EXPH5: variants seen among roughly 807,000 people sequenced by gnomAD.
The protein encoded by EXPH5 is exophilin 5, also known as exophilin-5.
A neutral mutation model predicts 41.1 loss-of-function variants in EXPH5; 42 were observed. The observed-to-expected ratio is 1.02, with a 90% CI of 0.80 to 1.32. EXPH5 has a LOEUF of 1.32. EXPH5 is among the 40% of genes most tolerant of loss of function. The probability of loss-of-function intolerance (pLI) is 0.00; values close to 1 mark genes in which losing one functional copy is unlikely to be tolerated. For missense variants in EXPH5, 2,298 were observed against 2,314.5 expected (o/e 0.99, Z 0.15); for synonymous variants, 798 against 833.5 (o/e 0.96, Z 0.73).
intron 1 of EXPH5, among the ~76,000 whole-genome samples, chr11:108,564,478 T>A (rs1367050471): frequency 6.6e-6 from 1 of 152,196 alleles, no homozygotes; most frequent in Non-Finnish European, 1.5e-5. Flanking sequence ...CTATGCTATG[T>A]CAGTATTCCA....
intron 1 of EXPH5, among the ~76,000 whole-genome samples, chr11:108,577,346 T>G (rs2094083154): frequency 6.6e-6 from 1 of 152,216 alleles, no homozygotes; most frequent in African/African-American, 2.4e-5. Flanking sequence ...CTGTACTAAT[T>G]TACATTCTCA....
At chr11:108,568,174 T>C (rs910911791) in intron 1 of EXPH5, 1 of 90,904 alleles carries the variant, frequency 1.1e-5, no homozygotes, top group Non-Finnish European at 2.0e-5. Flanking sequence ...CTTACTTTTT[T>C]TGGGAGGGGG....
chr11:108,513,332 T>C lies in EXPH5; in HGVS notation c.2175A>G (p.Glu725=), dbSNP rs1490156465. ...CTGTCTGTGAAACAGGTTGGGGTAT[T>C]TCACCTGCCTTGTTTGTCTGGTCCA... The part of the protein sequence containing the change: ...SKMDQTNKAG[E]IPQPVSQTGI... The change falls in exon 6 of 6, where the codon GAA becomes GAG. Residue 725 remains glutamate (E), a synonymous_variant. Coordinates refer to ENST00000265843, the MANE Select transcript of EXPH5 (RefSeq NM_015065.3). 14 of 1,613,900 alleles carry C rather than the reference T, an allele frequency of 8.7e-6. No homozygotes were observed. The highest frequency in any genetic ancestry group is 1.7e-5 in the Admixed American group (1 of 59,968).
intron 1 of EXPH5, among the ~76,000 whole-genome samples, chr11:108,592,007 T>C (rs1375315670): frequency 6.6e-6 from 1 of 152,218 alleles, no homozygotes; most frequent in Non-Finnish European, 1.5e-5. Context: ...TCTTAGTGCC[T>C]TTGGAATATG....
the EXPH5 span, among the ~76,000 whole-genome samples, chr11:108,600,559 T>C: frequency 6.6e-6 from 1 of 152,230 alleles, no homozygotes; most frequent in Non-Finnish European, 1.5e-5. Context: ...TTTCATTTCT[T>C]GTTTTTAAAT....
intron 1 of EXPH5, among the ~76,000 whole-genome samples, chr11:108,562,013 T>C (rs2094013879): frequency 6.6e-6 from 1 of 152,306 alleles, no homozygotes; most frequent in South Asian, 2.1e-4. Flanking sequence ...TCCTGAGGAC[T>C]GGCCGTGCAG....
intron 3 of EXPH5, among the ~76,000 whole-genome samples, chr11:108,531,712 T>C (rs886322866): frequency 6.6e-6 from 1 of 152,218 alleles, no homozygotes; most frequent in African/African-American, 2.4e-5. Flanking sequence ...CCCCCAAGTG[T>C]TGGTGGGGCA....
intron 3 of EXPH5, among the ~76,000 whole-genome samples, chr11:108,533,454 C>T (rs544646659): frequency 2.9e-4 from 44 of 152,296 alleles, no homozygotes; most frequent in African/African-American, 1.0e-3. Context: ...CCACCTGCCT[C>T]GGCTTCCCAA....
chr11:108,524,382 T>G (rs919157416), intron 4 of EXPH5, among the ~76,000 whole-genome samples: 1 of 152,244 alleles, frequency 6.6e-6, no homozygotes, highest in African/African-American at 2.4e-5. Flanking sequence ...TAATCCTTAT[T>G]GTTGCTGCTA....
At chr11:108,560,752 G>C (rs2094007986) in intron 1 of EXPH5, among the ~76,000 whole-genome samples, 1 of 152,160 alleles carries the variant, frequency 6.6e-6, no homozygotes, top group Non-Finnish European at 1.5e-5. Context: ...AATACTGCCA[G>C]CAGTACAAAC....
At chr11:108,602,941 C>G in the EXPH5 span, among the ~76,000 whole-genome samples, 753 of 152,128 alleles carry the variant, frequency 4.9e-3, 4 homozygotes, top group Non-Finnish European at 8.7e-3. Context: ...AGGGCAGGAC[C>G]TGGTGGGAGG....
rs772862752 is a variant in EXPH5, at chr11:108,514,256, C to T, written c.1251G>A (p.Ser417=). 6.2e-6 allele frequency: 10 copies of T among 1,613,994 alleles called. No individual in the cohort carries two copies. Among genetic ancestry groups the T allele is most frequent in the East Asian group, 4.5e-5 (2 of 44,886 alleles). ...GTTGGTAAACATTCTGTGAATGGTA[C>T]GATTCATATCTCTTATTCTCCTGAA... ...RGFQENKRYE[S]YHSQNVYQRV... Residue 417 remains serine, a synonymous_variant, in exon 6 of 6, where the codon TCG becomes TCA. Transcript: ENST00000265843.
chr11:108,579,768 CAG>C (rs1416239411), intron 1 of EXPH5, among the ~76,000 whole-genome samples: 1 of 152,108 alleles, frequency 6.6e-6, no homozygotes, highest in Admixed American at 6.6e-5. Flanking sequence ...GATTTGGACT[CAG>C]AGTAGTGCAA....
chr11:108,573,136 GA>G (rs1565830476), intron 1 of EXPH5, among the ~76,000 whole-genome samples: 12 of 119,280 alleles, frequency 1.0e-4, no homozygotes, highest in Non-Finnish European at 1.4e-4. Context: ...AGGAAGGAAA[GA>G]AGGAAAGAAA....
In EXPH5 at chr11:108,510,871, C is replaced by T. The variant is rs1458586522; in HGVS notation, c.4636G>A (p.Glu1546Lys). The T allele has an allele frequency of 3.7e-6, 6 of 1,614,076 alleles. No homozygotes were observed. The highest frequency in any genetic ancestry group is 4.2e-6 in the Non-Finnish European group (5 of 1,180,044). Residue 1546 changes from glutamate (E) to lysine (K), a missense_variant, in exon 6 of 6, where the codon GAG becomes AAG. Coordinates refer to ENST00000265843, the MANE Select transcript of EXPH5 (RefSeq NM_015065.3). ...EPRELPQRSQ[E>K]ANMTESRKAE... ...TTCCTGCTCTCTGTCATATTTGCCTCCTGACTTCTTTGAGGTAATTCTCTT... is the reference window on the plus strand; with the variant it reads ...TTCCTGCTCTCTGTCATATTTGCCTTCTGACTTCTTTGAGGTAATTCTCTT...
rs1016529006 is a variant in EXPH5 at position 108,539,169 on chromosome 11, T to C, written c.298A>G (p.Thr100Ala). The change falls in exon 3 of 6, where the codon ACA becomes GCA. Residue 100 changes from threonine (T) to alanine (A), a missense_variant. Thr to Ala is a moderately conservative substitution (Grantham distance 58). Coordinates refer to ENST00000265843, the MANE Select transcript of EXPH5 (RefSeq NM_015065.3). ...MAKNDPIELP[T>A]SRSKNVTNQK... ...TTAGTTACATTTTTAGATCTTGATGTAGGTAATTCTATCGGATCTAGAAAA... is the reference window on the plus strand; with the variant it reads ...TTAGTTACATTTTTAGATCTTGATGCAGGTAATTCTATCGGATCTAGAAAA... The C allele has an allele frequency of 8.2e-6, 13 of 1,583,748 alleles. No homozygotes were observed. The highest frequency in any genetic ancestry group is 1.1e-5 in the Non-Finnish European group (13 of 1,166,152).
Position 108,528,126 on chromosome 11 carries a change from G to A in EXPH5, c.492+10C>T, listed in dbSNP as rs2093811997. On this transcript the variant is annotated intron_variant, in intron 4 of 5. Coordinates refer to ENST00000265843, the MANE Select transcript of EXPH5 (RefSeq NM_015065.3). Reference sequence around the variant, plus strand: ...TTCTTAGAGTAACCTGTAGTTATCTGGTTACTTACCACAGCAGCTCCCCTC... The same window carrying A: ...TTCTTAGAGTAACCTGTAGTTATCTAGTTACTTACCACAGCAGCTCCCCTC... 2 of 1,588,128 alleles carry A rather than the reference G, an allele frequency of 1.3e-6. No homozygotes were observed.
intron 4 of EXPH5, among the ~76,000 whole-genome samples, chr11:108,519,950 CAAAAAAAAAAA>C (rs71050861): frequency 8.1e-5 from 5 of 62,066 alleles, no homozygotes; most frequent in Non-Finnish European, 8.4e-5. Context: ...GACTCTGTCT[CAAAAAAAAAAA>C]AAAAAAAAAA....
chr11:108,545,431 G>A (rs1422050327), intron 1 of EXPH5, among the ~76,000 whole-genome samples: 1 of 152,158 alleles, frequency 6.6e-6, no homozygotes. Context: ...TTACAGTCTA[G>A]TGGGAGAGAC....
Sources: allele counts gnomAD v4.1 joint callset (sites outside exome capture counted in the v4.1 genomes callset), GRCh38; gene constraint gnomAD v4.1.1; transcripts MANE v1.5; gene names NCBI Gene and HGNC (gene_info 2026-07-23, HGNC 2026-07-21).